Variants in NTM observed in about 807,000 individuals in gnomAD.
NTM encodes neurotrimin.
A neutral mutation model predicts 42.1 loss-of-function variants in NTM; 13 were observed. The observed-to-expected ratio is 0.31, with a 90% CI of 0.20 to 0.49. NTM has a LOEUF of 0.49. NTM is among the 20% of genes least tolerant of loss of function. The probability of loss-of-function intolerance (pLI) is 0.99; values close to 1 mark genes in which losing one functional copy is unlikely to be tolerated. For synonymous variants in NTM, 187 were observed against 179.2 expected, an observed-to-expected ratio of 1.04 and a Z score of -0.35; for missense variants, 373 against 452.8, an observed-to-expected ratio of 0.82 and a Z score of 1.60.
intron 4 of NTM, among the ~76,000 whole-genome samples, chr11:132,216,167 T>A (rs769701307): frequency 6.6e-6 from 1 of 152,250 alleles, no homozygotes; most frequent in Non-Finnish European, 1.5e-5. Context: ...TTCTCCTGAG[T>A]CTTCACTATG....
chr11:132,020,780 T>C lies in NTM; in HGVS notation c.167+109132T>C, dbSNP rs374272923. 4.0e-4 allele frequency among the ~76,000 whole-genome samples: 61 copies of C among 152,304 alleles called. No homozygotes were observed. The South Asian group carries it at 0.011, about 26-fold the overall frequency. ...TCTTAAACTTCTCAGTGTTCCCCTA[T>C]AATTTTTTTGGATGGCTATCAATTA... is the stretch of plus-strand genomic sequence containing the variant. On this transcript the variant is annotated intron_variant, in intron 2 of 8. Transcript: ENST00000683400.
At chr11:131,668,169 T>C (rs1444470909) in intron 1 of NTM, among the ~76,000 whole-genome samples, 1 of 152,148 alleles carries the variant, frequency 6.6e-6, no homozygotes, top group Non-Finnish European at 1.5e-5. Flanking sequence ...TTAGTGTCTA[T>C]ATTATATCAC....
At chr11:132,157,386 G>A (rs1474142144) in intron 3 of NTM, among the ~76,000 whole-genome samples, 3 of 152,176 alleles carry the variant, frequency 2.0e-5, no homozygotes, top group Non-Finnish European at 4.4e-5. Context: ...ATGCAATGAG[G>A]CATCAGCTTT....
At position 131,525,928 on chromosome 11, in the gene NTM, C is replaced by T. The variant is rs144400462; in HGVS notation, c.82+155040C>T. Among the ~76,000 whole-genome samples the T allele has an allele frequency of 6.5e-4, 99 of 152,290 alleles. 1 individual carries two copies. The highest frequency in any genetic ancestry group is 9.3e-4 in the Non-Finnish European group (63 of 68,028). ...AGATCAACAAGTAAACGTTTCTATGCTACGTGGAGTTACTTGCAAACTGTC... is the reference window on the plus strand; with the variant it reads ...AGATCAACAAGTAAACGTTTCTATGTTACGTGGAGTTACTTGCAAACTGTC... On this transcript the variant is annotated intron_variant, in intron 1 of 8. Transcript: ENST00000683400.
At chr11:132,223,399 TAAG>T (rs1487511505) in intron 4 of NTM, among the ~76,000 whole-genome samples, 1 of 152,158 alleles carries the variant, frequency 6.6e-6, no homozygotes, top group Non-Finnish European at 1.5e-5. Flanking sequence ...ATGGATTCAT[TAAG>T]AAGATACCTC....
intron 4 of NTM, among the ~76,000 whole-genome samples, chr11:132,295,212 G>T (rs572888448): frequency 2.0e-5 from 3 of 151,620 alleles, no homozygotes; most frequent in African/African-American, 7.3e-5. Flanking sequence ...TTTCTTAAAG[G>T]TCATCAAAGG....
chr11:131,470,529 C>T (rs181733988), intron 1 of NTM, among the ~76,000 whole-genome samples: 4 of 152,286 alleles, frequency 2.6e-5, no homozygotes, highest in Admixed American at 2.6e-4. Flanking sequence ...GTCTTGAAGG[C>T]AGATGGTTCT....
intron 1 of NTM, among the ~76,000 whole-genome samples, chr11:131,862,554 A>G (rs2046752745): frequency 6.6e-6 from 1 of 152,132 alleles, no homozygotes; most frequent in Admixed American, 6.5e-5. Context: ...GTTGTTTTTT[A>G]TTTTTGTTTG....
chr11:132,243,239 T>C (rs1349357736), intron 4 of NTM, among the ~76,000 whole-genome samples: 1 of 152,250 alleles, frequency 6.6e-6, no homozygotes, highest in African/African-American at 2.4e-5. Context: ...GGAGGCTTTC[T>C]GGAAGAGCTT....
intron 1 of NTM, among the ~76,000 whole-genome samples, chr11:131,906,052 C>G (rs1003661315): frequency 1.3e-5 from 2 of 152,170 alleles, no homozygotes; most frequent in African/African-American, 2.4e-5. Flanking sequence ...CACTGACAAA[C>G]CCAATAGCAC....
At chr11:131,798,813 T>A (rs575123536) in intron 1 of NTM, among the ~76,000 whole-genome samples, 4 of 152,220 alleles carry the variant, frequency 2.6e-5, no homozygotes, top group Non-Finnish European at 5.9e-5. Flanking sequence ...TAACCCTCTG[T>A]ACTGGCACCT....
At chr11:131,654,945 C>A (rs1310222555) in intron 1 of NTM, among the ~76,000 whole-genome samples, 1 of 152,306 alleles carries the variant, frequency 6.6e-6, no homozygotes, top group East Asian at 1.9e-4. Flanking sequence ...ATCCACCCAG[C>A]TACTCAGAAA....
intron 1 of NTM, among the ~76,000 whole-genome samples, chr11:131,689,018 A>C (rs1471241726): frequency 6.6e-6 from 1 of 151,516 alleles, no homozygotes; most frequent in Non-Finnish European, 1.5e-5. Flanking sequence ...AGTTAGTTTT[A>C]ATTTTACACG....
intron 1 of NTM, among the ~76,000 whole-genome samples, chr11:131,843,836 G>C (rs1468063505): frequency 6.6e-6 from 1 of 152,002 alleles, no homozygotes; most frequent in East Asian, 1.9e-4. Flanking sequence ...GAATTGCCTA[G>C]TTTTCCTACC....
chr11:132,311,777 G>A (rs1353976232), intron 6 of NTM, among the ~76,000 whole-genome samples: 4 of 152,116 alleles, frequency 2.6e-5, no homozygotes, highest in Non-Finnish European at 1.5e-5. Flanking sequence ...ATACATATAA[G>A]GGAAAGCAAA....
At chr11:131,473,688 C>A (rs1952656506) in intron 1 of NTM, among the ~76,000 whole-genome samples, 1 of 152,090 alleles carries the variant, frequency 6.6e-6, no homozygotes. Flanking sequence ...TATAACAGCT[C>A]CATGGTGGAG....
At chr11:131,825,465 G>T (rs2042016562) in intron 1 of NTM, among the ~76,000 whole-genome samples, 1 of 152,080 alleles carries the variant, frequency 6.6e-6, no homozygotes, top group Non-Finnish European at 1.5e-5. Flanking sequence ...GATGTCTTTG[G>T]CTTCTTCGAG....
chr11:131,611,654 G>T (rs2061475942), intron 1 of NTM, among the ~76,000 whole-genome samples: 1 of 152,200 alleles, frequency 6.6e-6, no homozygotes. Flanking sequence ...AGGAACTGCA[G>T]CTAGAAGCAG....
chr11:131,700,113 A>G (rs2075924397), intron 1 of NTM, among the ~76,000 whole-genome samples: 1 of 152,150 alleles, frequency 6.6e-6, no homozygotes, highest in African/African-American at 2.4e-5. Flanking sequence ...TGTTCAGGTA[A>G]CAAGCAGAGC....
Sources: allele counts gnomAD v4.1 joint callset (sites outside exome capture counted in the v4.1 genomes callset), GRCh38; gene constraint gnomAD v4.1.1; transcripts MANE v1.5; gene names NCBI Gene and HGNC (gene_info 2026-07-23, HGNC 2026-07-21).